Variants in NOD1 observed in about 807,000 individuals in gnomAD.
NOD1 encodes the protein nucleotide-binding oligomerization domain-containing protein 1.
In NOD1, 70 loss-of-function variants were observed where a neutral mutation model predicts 81.2. The observed-to-expected ratio is 0.86, with a 90% CI of 0.71 to 1.05. The LOEUF (loss-of-function observed/expected upper bound fraction) is 1.05. Among genes scored for constraint, NOD1 ranks in the 50% least tolerant of loss-of-function variants. The pLI, the probability that NOD1 is intolerant of heterozygous loss-of-function variation, is 0.00. For synonymous variants in NOD1, 508 were observed against 526.9 expected, an observed-to-expected ratio of 0.96 and a Z score of 0.49; for missense variants, 1,233 against 1,228.0, an observed-to-expected ratio of 1.00 and a Z score of -0.06.
intron 9 of NOD1, 55 bp downstream of exon 9, chr7:30,446,086 C>CA (rs1785040574): frequency 2.3e-6 from 3 of 1,304,898 alleles, no homozygotes; most frequent in African/African-American, 1.4e-5. Flanking sequence ...CAGCAAGGCC[C>CA]GCCCCCCACA....
chr7:30,430,732 G>A lies in NOD1; in HGVS notation c.2706-1275C>T, dbSNP rs76422331. Among the ~76,000 whole-genome samples, 551 of 152,318 alleles carry A rather than the reference G, an allele frequency of 3.6e-3. 7 individuals are homozygous for A. Among genetic ancestry groups the A allele is most frequent in the African/African-American group, 0.012 (511 of 41,566 alleles). Reference sequence around the variant, plus strand: ...TGCCCCCCATCCACTGGGTGTGTGAGATTTCAAGAGGAGGGTATTAGGCAC... The same window carrying A: ...TGCCCCCCATCCACTGGGTGTGTGAAATTTCAAGAGGAGGGTATTAGGCAC... On this transcript the variant is annotated intron_variant, in intron 12 of 13. Coordinates refer to ENST00000222823, the MANE Select transcript of NOD1 (RefSeq NM_006092.4).
At chr7:30,447,092 T>C (rs1173073428) in intron 7 of NOD1, 42 bp from the exon 8 acceptor site, 1 of 1,613,278 alleles carries the variant, frequency 6.2e-7, no homozygotes, top group Non-Finnish European at 8.5e-7. Context: ...TGGCTCCTGA[T>C]GTCATTTTAA....
intron 1 of NOD1, among the ~76,000 whole-genome samples, chr7:30,461,429 CAGCCTCCCAAAG>C (rs1433549753): frequency 6.6e-6 from 1 of 152,234 alleles, no homozygotes; most frequent in Non-Finnish European, 1.5e-5. Context: ...CCTCCCACCT[CAGCCTCCCAAAG>C]TGCTGGGATT....
rs1788988916 is a variant in NOD1, at chr7:30,478,208, G to C, written c.-352+398C>G. Among the ~76,000 whole-genome samples the C allele has an allele frequency of 6.6e-6, 1 of 152,080 alleles. No individual in the cohort carries two copies. The highest frequency in any genetic ancestry group is 6.6e-5 in the Admixed American group (1 of 15,266). ...CAGCCTTTGCCACAAACCCTCGAAC[G>C]CTGGCTGCACACTGGAATCACTTGG... On this transcript the variant is annotated intron_variant, in intron 1 of 13. Coordinates refer to ENST00000222823, the MANE Select transcript of NOD1 (RefSeq NM_006092.4). This position sits in a 1 kb window ranked among gnomAD's most constrained non-coding sequence, Gnocchi z 4.1.
intron 9 of NOD1, among the ~76,000 whole-genome samples, chr7:30,438,897 G>A (rs1470722648): frequency 2.0e-5 from 3 of 152,128 alleles, no homozygotes; most frequent in African/African-American, 7.2e-5. Flanking sequence ...ATGTTAACAA[G>A]AATCATTTTC....
rs1218926541 is a variant in NOD1 at position 30,452,395 on chromosome 7, T to C, written c.1022A>G (p.Gln341Arg). ...TARTGIEVPR[Q>R]FLRKKVLLRG... ...GAGAAGCACCTTCTTCCGCAGGAAC[T>C]GGCGCGGGACCTCGATGCCTGTGCG... The change falls in exon 6 of 14, where the codon CAG becomes CGG. Residue 341 changes from glutamine (Q) to arginine (R), a missense_variant. By Grantham distance (43) the Gln-to-Arg change is conservative. Transcript: ENST00000222823. The C allele has an allele frequency of 2.5e-6, 4 of 1,613,338 alleles. No individual in the cohort carries two copies. The South Asian group carries it at 4.4e-5, about 18-fold the overall frequency.
rs900854168 is a variant in NOD1, at chr7:30,439,326, G to A, written c.2454-1670C>T. ...GCGACGCAGAAGACGGGTGATTTCT[G>A]CATTTCCATCTGAGGTACCGGGTTC... On this transcript the variant is annotated intron_variant, in intron 9 of 13. Transcript: ENST00000222823. Among the ~76,000 whole-genome samples, 47 of 147,616 alleles carry A rather than the reference G, an allele frequency of 3.2e-4. 1 individual carries two copies. Among genetic ancestry groups the A allele is most frequent in the Non-Finnish European group, 5.8e-4 (39 of 67,714 alleles).
rs1348299543 is a variant in NOD1, at chr7:30,446,236, G to A, written c.2370-12C>T. On this transcript the variant is annotated splice_polypyrimidine_tract_variant and intron_variant, in intron 8 of 13. Transcript: ENST00000222823. The stretch of plus-strand genomic sequence containing the variant: ...TGTTTTTTCCCAGTCTGCAGAGAGA[G>A]TCACACACAGTCAGCCTCCAGCTAT... 2 of 1,603,798 alleles carry A rather than the reference G, an allele frequency of 1.2e-6. No individual in the cohort carries two copies. The highest frequency in any genetic ancestry group is 1.7e-6 in the Non-Finnish European group (2 of 1,170,786).
chr7:30,439,431 T>C lies in NOD1; in HGVS notation c.2454-1775A>G, dbSNP rs926898480. Among the ~76,000 whole-genome samples the C allele has an allele frequency of 4.0e-4, 56 of 141,174 alleles. 1 individual carries two copies. Among genetic ancestry groups the C allele is most frequent in the Middle Eastern group, 3.6e-3 (1 of 274 alleles). The allele number at this position is 141,174 out of a possible 152,430, so 92.6% of individuals were successfully genotyped here. ...GCGCGAGCCGAAGCAGGGCGAGGCA[T>C]TGCCTCACCTGGGAAGCGCAAGGGA... On this transcript the variant is annotated intron_variant, in intron 9 of 13. Transcript: ENST00000222823.
chr7:30,448,392 A>G lies in NOD1; in HGVS notation c.2202-11T>C. On this transcript the variant is annotated splice_polypyrimidine_tract_variant and intron_variant, in intron 6 of 13. Coordinates refer to ENST00000222823, the MANE Select transcript of NOD1 (RefSeq NM_006092.4). ...TGGTTTACGCTGAGTCTGAAATAAA[A>G]CAGCAAAAAAATTACGAGTCAGGGC... 6.2e-7 allele frequency: 1 copy of G among 1,611,528 alleles called. No homozygotes were observed. Among genetic ancestry groups the G allele is most frequent in the Admixed American group, 1.7e-5 (1 of 60,026 alleles).
intron 1 of NOD1, among the ~76,000 whole-genome samples, chr7:30,477,681 ATTTTTT>A (rs35530986): frequency 7.3e-6 from 1 of 136,280 alleles, no homozygotes; most frequent in African/African-American, 2.7e-5. Flanking sequence ...CGCCCGGTTA[ATTTTTT>A]TTTTTTTTTT....
Position 30,451,603 on chromosome 7 carries a change from C to T in NOD1, c.1814G>A (p.Arg605Gln), listed in dbSNP as rs780400200. The T allele has an allele frequency of 1.5e-5, 25 of 1,613,726 alleles. No individual in the cohort carries two copies. Among genetic ancestry groups the T allele is most frequent in the Middle Eastern group, 1.6e-4 (1 of 6,084 alleles). Residue 605 changes from arginine to glutamine, a missense_variant, in exon 6 of 14, where the codon CGG becomes CAG. Physicochemically the swap from Arg to Gln is conservative, Grantham distance 43. Coordinates refer to ENST00000222823, the MANE Select transcript of NOD1 (RefSeq NM_006092.4). This position sits in a 1 kb window ranked among gnomAD's most constrained non-coding sequence, Gnocchi z 4.2. Reference protein sequence around the residue: ...LLSKAKQKLLRHLVPAAALRR... With the variant: ...LLSKAKQKLLQHLVPAAALRR... ...CAGGGCTGCCGCGGGCACCAGATGC[C>T]GCAGGAGTTTCTGTTTGGCTTTGGA...
chr7:30,474,611 A>G (rs1788590791), intron 1 of NOD1, among the ~76,000 whole-genome samples: 1 of 152,194 alleles, frequency 6.6e-6, no homozygotes, highest in Non-Finnish European at 1.5e-5. Context: ...TCGCATGAGA[A>G]TCTGATGCCA....
chr7:30,439,305 C>T (rs931114344), intron 9 of NOD1, among the ~76,000 whole-genome samples: 50 of 140,706 alleles, frequency 3.6e-4, no homozygotes, highest in African/African-American at 7.7e-4. Context: ...GCGTGAGCGA[C>T]GCAGAAGACG....
At chr7:30,464,446 C>T (rs1787481156) in intron 1 of NOD1, among the ~76,000 whole-genome samples, 1 of 152,240 alleles carries the variant, frequency 6.6e-6, no homozygotes, top group Non-Finnish European at 1.5e-5. Flanking sequence ...CTGCAACGTG[C>T]AAGGGCCCCA....
intron 5 of NOD1, 48 bp downstream of exon 5, chr7:30,455,089 G>T: frequency 6.3e-7 from 1 of 1,587,066 alleles, no homozygotes. Context: ...AACCCCCCAG[G>T]GCCCTGCTTG....
chr7:30,437,053 A>C (rs1252094593), intron 10 of NOD1, among the ~76,000 whole-genome samples: 1 of 152,242 alleles, frequency 6.6e-6, no homozygotes, highest in Non-Finnish European at 1.5e-5. Flanking sequence ...CATAAAAAAA[A>C]ATGAGATCAT....
At chr7:30,474,917 T>TG (rs1304917213) in intron 1 of NOD1, among the ~76,000 whole-genome samples, 1 of 152,194 alleles carries the variant, frequency 6.6e-6, no homozygotes, top group African/African-American at 2.4e-5. Flanking sequence ...CTTTGTTAAA[T>TG]GGAGTCCAGA....
chr7:30,463,523 AAAG>A (rs1211757025), intron 1 of NOD1: 6 of 152,598 alleles, frequency 3.9e-5, no homozygotes, highest in African/African-American at 1.4e-4. Flanking sequence ...ATTGACCTAG[AAAG>A]GAGTCTCACC....
Sources: gnomAD v4.1 joint callset for allele counts (sites outside exome capture counted in the v4.1 genomes callset) on GRCh38, gnomAD v4.1.1 for gene constraint, Gnocchi (gnomAD v3.1) non-coding constraint, MANE v1.5 for transcripts, NCBI Gene and HGNC (gene_info 2026-07-23, HGNC 2026-07-21) for gene names.